COL5A2: variants seen among roughly 807,000 people sequenced by gnomAD.
The protein encoded by COL5A2 is collagen alpha-2(V) chain.
COL5A2 carries 23 observed loss-of-function variants against 208.2 expected under a neutral mutation model. The ratio of observed to expected loss-of-function variants is 0.11; its 90% CI spans 0.08 to 0.16. COL5A2 has a LOEUF of 0.16. Ranked by LOEUF, COL5A2 falls within the 10% of genes least tolerant of loss-of-function variation. COL5A2 has a pLI of 1.00. For synonymous variants in COL5A2, 625 were observed against 628.5 expected, an observed-to-expected ratio of 0.99 and a Z score of 0.08; for missense variants, 1,590 against 1,956.4, an observed-to-expected ratio of 0.81 and a Z score of 3.53.
Position 189,033,824 on chromosome 2 carries a change from T to C in COL5A2, c.*246A>G, listed in dbSNP as rs967793233. The C allele has an allele frequency of 1.9e-6, 1 of 538,246 alleles. No homozygotes were observed. The allele number at this position is 538,246 out of a possible 1,614,324, so 33.3% of individuals were successfully genotyped here. A position where few individuals can be genotyped will look rare whatever the true frequency, so the allele number is the denominator to read the frequency against. On this transcript the variant is annotated 3_prime_UTR_variant, in exon 54 of 54. Transcript: ENST00000374866. The stretch of plus-strand genomic sequence containing the variant: ...CTTTCTGCAAAGGTGGTCATTGTCA[T>C]TGGTCATCTTAAACCTAAACTGTTG...
the COL5A2 span, among the ~76,000 whole-genome samples, chr2:189,380,290 A>G: frequency 6.6e-6 from 1 of 152,022 alleles, no homozygotes. Context: ...CAAAATTGTC[A>G]CACATAAAGT....
At chr2:189,084,180 A>C in intron 11 of COL5A2, 143 bp from the exon 12 acceptor site, 2 of 642,238 alleles carry the variant, frequency 3.1e-6, no homozygotes, top group Non-Finnish European at 5.5e-6. Context: ...GCAAAAAATA[A>C]AGTAAAAATA....
In COL5A2 at chr2:189,050,752, T is replaced by G; in HGVS notation, c.2932-76A>C. 2.5e-5 allele frequency: 30 copies of G among 1,214,128 alleles called. 1 individual carries two copies. In the South Asian group the frequency reaches 3.9e-4, roughly 16 times the overall value. The allele number at this position is 1,214,128 out of a possible 1,614,324, so 75.2% of individuals were successfully genotyped here. On this transcript the variant is annotated intron_variant, in intron 42 of 53. Transcript: ENST00000374866. ...CCCAAGGAATTTACAATAAGTTGGG[T>G]ACAGCTTTACAGGTTTTTCAGTATG...
At chr2:189,370,706 A>C in the COL5A2 span, among the ~76,000 whole-genome samples, 1 of 152,152 alleles carries the variant, frequency 6.6e-6, no homozygotes, top group Non-Finnish European at 1.5e-5. Context: ...ATATACTCAC[A>C]TACATAATTT....
At chr2:189,265,159 A>G in the COL5A2 span, among the ~76,000 whole-genome samples, 1 of 152,186 alleles carries the variant, frequency 6.6e-6, no homozygotes, top group Admixed American at 6.6e-5. Flanking sequence ...GGAAGGAAGC[A>G]TAAGAGTAAA....
chr2:189,112,494 A>C (rs775142117), intron 1 of COL5A2, among the ~76,000 whole-genome samples: 4 of 152,180 alleles, frequency 2.6e-5, no homozygotes, highest in Non-Finnish European at 5.9e-5. Flanking sequence ...CATTTTTCTC[A>C]CTGTCCTGTG....
At chr2:189,166,090 T>A (rs13031549) in intron 1 of COL5A2, among the ~76,000 whole-genome samples, 3 of 151,996 alleles carry the variant, frequency 2.0e-5, no homozygotes, top group Non-Finnish European at 4.4e-5. Context: ...AAGACATCAC[T>A]TAGATATGGT....
At chr2:189,368,622 CAGT>C in the COL5A2 span, among the ~76,000 whole-genome samples, 2 of 152,072 alleles carry the variant, frequency 1.3e-5, no homozygotes, top group African/African-American at 4.8e-5. Context: ...ATTAAATCAC[CAGT>C]AGAATGCATT....
At chr2:189,144,842 C>T (rs1688007638) in intron 1 of COL5A2, among the ~76,000 whole-genome samples, 1 of 152,046 alleles carries the variant, frequency 6.6e-6, no homozygotes, top group Non-Finnish European at 1.5e-5. Flanking sequence ...TGAGTGGGAA[C>T]AGATGCTTCA....
Position 189,157,327 on chromosome 2 carries a change from G to A in COL5A2, c.97+22181C>T, listed in dbSNP as rs76281562. On this transcript the variant is annotated intron_variant, in intron 1 of 53. Transcript: ENST00000374866. ...TTAAAGCATATACAAATAATCACAC[G>A]TCTGGAAGTTTAACCCAAAACAAAG... 6.4e-3 allele frequency among the ~76,000 whole-genome samples: 964 copies of A among 151,600 alleles called. 10 individuals carry two copies. The highest frequency in any genetic ancestry group is 0.022 in the African/African-American group (896 of 41,344).
At chr2:189,358,735 G>A in the COL5A2 span, among the ~76,000 whole-genome samples, 9 of 152,206 alleles carry the variant, frequency 5.9e-5, no homozygotes, top group African/African-American at 1.7e-4. Flanking sequence ...TATTGTGTGC[G>A]TCTTCTCTTC....
intron 35 of COL5A2, among the ~76,000 whole-genome samples, chr2:189,054,459 A>T (rs1685858430): frequency 6.6e-6 from 1 of 152,198 alleles, no homozygotes; most frequent in Non-Finnish European, 1.5e-5. Context: ...ATTCATGCAT[A>T]CATAAAACTG....
intron 42 of COL5A2, among the ~76,000 whole-genome samples, chr2:189,051,016 A>G (rs1316189711): frequency 1.3e-5 from 2 of 152,128 alleles, no homozygotes; most frequent in East Asian, 3.9e-4. Context: ...TCTAAACACA[A>G]TATTTAAAGG....
intron 45 of COL5A2, among the ~76,000 whole-genome samples, chr2:189,047,253 T>C (rs1685689995): frequency 6.6e-6 from 1 of 152,214 alleles, no homozygotes; most frequent in African/African-American, 2.4e-5. Flanking sequence ...GATTTACCGA[T>C]TTTCATAATT....
chr2:189,436,105 C>G, the COL5A2 span, among the ~76,000 whole-genome samples: 2 of 152,138 alleles, frequency 1.3e-5, no homozygotes, highest in Admixed American at 6.6e-5. Flanking sequence ...CATGTTCTCA[C>G]TCATAGGTGG....
chr2:189,194,944 A>C (rs752524935), intron 1 of COL5A2, among the ~76,000 whole-genome samples: 1 of 152,170 alleles, frequency 6.6e-6, no homozygotes. Flanking sequence ...CCCAAGGATG[A>C]ACATAGTGCT....
At chr2:189,311,927 G>A in the COL5A2 span, 2 of 794,976 alleles carry the variant, frequency 2.5e-6, no homozygotes, top group Non-Finnish European at 4.4e-6. Flanking sequence ...TGCCTTGAGA[G>A]CCTCGATCTC....
At chr2:189,061,641 G>A in intron 29 of COL5A2, 26 bp from the exon 30 acceptor site, 1 of 1,570,468 alleles carries the variant, frequency 6.4e-7, no homozygotes. Context: ...GAAAATAATT[G>A]TGAATATAAC....
At chr2:189,098,553 C>A (rs1235954080) in intron 5 of COL5A2, among the ~76,000 whole-genome samples, 174 bp downstream of exon 5, 1 of 152,198 alleles carries the variant, frequency 6.6e-6, no homozygotes, top group East Asian at 1.9e-4. Flanking sequence ...CCCTTATCTA[C>A]CATTCATTGC....
Sources: allele counts gnomAD v4.1 joint callset (sites outside exome capture counted in the v4.1 genomes callset), GRCh38; gene constraint gnomAD v4.1.1; transcripts MANE v1.5; gene names NCBI Gene and HGNC (gene_info 2026-07-23, HGNC 2026-07-21).